The following AGBL1 variants were observed in gnomAD, a reference collection of about 807,000 sequenced individuals.
AGBL1 encodes cytosolic carboxypeptidase 4.
Under a neutral mutation model 118.9 loss-of-function variants are expected in AGBL1, and 130 were observed. The observed-to-expected ratio is 1.09, with a 90% CI of 0.95 to 1.26. The LOEUF (loss-of-function observed/expected upper bound fraction) is 1.26, where lower values mean the gene tolerates loss of function less well. Among genes scored for constraint, AGBL1 ranks in the 50% most tolerant of loss-of-function variants. The probability of loss-of-function intolerance (pLI) is 0.00; values close to 1 mark genes in which losing one functional copy is unlikely to be tolerated. For synonymous variants in AGBL1, 555 were observed against 478.9 expected (o/e 1.16, Z -2.08); for missense variants, 1,584 against 1,298.1 (o/e 1.22, Z -3.38).
At chr15:86,403,091 G>A (rs2081471548) in intron 18 of AGBL1, among the ~76,000 whole-genome samples, 1 of 152,120 alleles carries the variant, frequency 6.6e-6, no homozygotes, top group Admixed American at 6.6e-5. Flanking sequence ...GATTAGAGTG[G>A]GAAGTGGGGA....
intron 22 of AGBL1, among the ~76,000 whole-genome samples, chr15:86,892,351 T>C (rs1420697991): frequency 2.6e-5 from 4 of 152,156 alleles, no homozygotes; most frequent in Admixed American, 2.6e-4. Flanking sequence ...TCTAGAGCTC[T>C]AGATCATGTA....
chr15:86,862,827 C>T (rs758470807), intron 22 of AGBL1, among the ~76,000 whole-genome samples: 14 of 152,258 alleles, frequency 9.2e-5, no homozygotes, highest in Middle Eastern at 3.4e-3. Context: ...TATACATACA[C>T]GAGGACATCT....
intron 23 of AGBL1, among the ~76,000 whole-genome samples, chr15:86,969,927 C>T (rs2081090449): frequency 6.6e-6 from 1 of 151,886 alleles, no homozygotes; most frequent in Non-Finnish European, 1.5e-5. Flanking sequence ...AATAGAGTTA[C>T]TTGGACTCTG....
chr15:86,112,534 G>A (rs181658642), intron 1 of AGBL1, among the ~76,000 whole-genome samples: 311 of 152,230 alleles, frequency 2.0e-3, no homozygotes, highest in Middle Eastern at 6.8e-3. Context: ...AATTTTTCAC[G>A]ATTAGCAACA....
intron 22 of AGBL1, among the ~76,000 whole-genome samples, chr15:86,760,237 G>A (rs879282637): frequency 1.3e-5 from 2 of 152,044 alleles, no homozygotes; most frequent in Non-Finnish European, 2.9e-5. Flanking sequence ...ACTACCTCAT[G>A]ACTAAATTGT....
chr15:86,790,413 T>TA (rs900323654), intron 22 of AGBL1, among the ~76,000 whole-genome samples: 3 of 151,918 alleles, frequency 2.0e-5, no homozygotes, highest in South Asian at 2.1e-4. Context: ...TATCTTTTTT[T>TA]AAAAAAACTT....
intron 6 of AGBL1, among the ~76,000 whole-genome samples, chr15:86,239,764 G>A (rs1372900333): frequency 1.3e-5 from 2 of 152,168 alleles, no homozygotes; most frequent in South Asian, 2.1e-4. Flanking sequence ...TTCAAGCACC[G>A]CAGGCTGTAT....
intron 15 of AGBL1, among the ~76,000 whole-genome samples, chr15:86,276,135 T>A (rs1293228485): frequency 2.6e-5 from 4 of 152,202 alleles, no homozygotes; most frequent in African/African-American, 4.8e-5. Context: ...ATCATTTTAT[T>A]AGCTCTCATC....
intron 5 of AGBL1, among the ~76,000 whole-genome samples, chr15:86,187,860 A>C (rs1334471489): frequency 6.6e-6 from 1 of 152,166 alleles, no homozygotes; most frequent in Admixed American, 6.5e-5. Flanking sequence ...GGCTTGCTCA[A>C]AACGCTGCTT....
At chr15:86,572,064 C>T (rs1196924750) in intron 21 of AGBL1, among the ~76,000 whole-genome samples, 2 of 152,192 alleles carry the variant, frequency 1.3e-5, no homozygotes, top group Non-Finnish European at 2.9e-5. Flanking sequence ...CGACTGTGTG[C>T]ATATCTGGCC....
chr15:86,268,314 A>T (rs1942447484), intron 13 of AGBL1, among the ~76,000 whole-genome samples: 3 of 151,576 alleles, frequency 2.0e-5, no homozygotes, highest in Non-Finnish European at 4.4e-5. Flanking sequence ...TCATGTCAAG[A>T]CTCTTTCTCA....
chr15:86,897,447 A>G (rs926093268), intron 22 of AGBL1, among the ~76,000 whole-genome samples: 2 of 152,006 alleles, frequency 1.3e-5, no homozygotes, highest in South Asian at 2.1e-4. Flanking sequence ...TTCCCATTAC[A>G]TTGATCCTTT....
chr15:86,769,408 C>A (rs754199424), intron 22 of AGBL1, among the ~76,000 whole-genome samples: 16 of 151,914 alleles, frequency 1.1e-4, no homozygotes, highest in Non-Finnish European at 8.8e-5. Context: ...CTATAAATGC[C>A]TTTGCTCAGA....
At chr15:86,245,714 G>C (rs979638493) in intron 6 of AGBL1, among the ~76,000 whole-genome samples, 1 of 152,114 alleles carries the variant, frequency 6.6e-6, no homozygotes, top group Non-Finnish European at 1.5e-5. Flanking sequence ...GAGTTGAAAA[G>C]GTCCCTATTA....
chr15:86,190,585 C>T (rs1184541457), intron 5 of AGBL1, among the ~76,000 whole-genome samples: 2 of 152,088 alleles, frequency 1.3e-5, no homozygotes, highest in South Asian at 2.1e-4. Flanking sequence ...CAGCTCCAGG[C>T]CCACCTGGGT....
chr15:86,378,130 A>C (rs899997907), intron 17 of AGBL1, among the ~76,000 whole-genome samples: 2 of 152,188 alleles, frequency 1.3e-5, no homozygotes, highest in African/African-American at 4.8e-5. Context: ...GTATAATGCA[A>C]ATATATAACA....
intron 17 of AGBL1, among the ~76,000 whole-genome samples, chr15:86,367,641 G>C (rs1286271793): frequency 1.3e-5 from 2 of 152,092 alleles, no homozygotes; most frequent in Non-Finnish European, 2.9e-5. Flanking sequence ...GCATGGTAGG[G>C]AGGAAGGCAG....
intron 23 of AGBL1, among the ~76,000 whole-genome samples, chr15:86,954,695 G>A (rs1396973109): frequency 6.6e-6 from 1 of 151,948 alleles, no homozygotes; most frequent in Non-Finnish European, 1.5e-5. Flanking sequence ...CTACCTATTG[G>A]GTCCTCTGCT....
intron 24 of AGBL1, among the ~76,000 whole-genome samples, chr15:87,026,872 G>A (rs761976387): frequency 2.0e-5 from 3 of 151,994 alleles, no homozygotes; most frequent in Non-Finnish European, 4.4e-5. Flanking sequence ...GATTTGAAGT[G>A]AAGTAACTCA....
Sources: allele counts gnomAD v4.1 joint callset (sites outside exome capture counted in the v4.1 genomes callset), GRCh38; gene constraint gnomAD v4.1.1; transcripts MANE v1.5; gene names NCBI Gene and HGNC (gene_info 2026-07-23, HGNC 2026-07-21).